The following MDGA2 variants were observed in gnomAD, a reference collection of about 807,000 sequenced individuals.
MDGA2 encodes MAM domain-containing glycosylphosphatidylinositol anchor protein 2.
MDGA2 carries 40 observed loss-of-function variants against 117.8 expected under a neutral mutation model. That is an observed-to-expected ratio of 0.34 (90% CI 0.26 to 0.44). The LOEUF (loss-of-function observed/expected upper bound fraction) is 0.44, where lower values mean the gene tolerates loss of function less well. Ranked by LOEUF, MDGA2 falls within the 20% of genes least tolerant of loss-of-function variation. MDGA2 has a pLI of 1.00. For missense variants in MDGA2, 1,123 were observed against 1,250.6 expected, an observed-to-expected ratio of 0.90 and a Z score of 1.54; for synonymous variants, 452 against 439.0, an observed-to-expected ratio of 1.03 and a Z score of -0.37.
chr14:47,587,844 GA>G (rs1158774083), intron 1 of MDGA2, among the ~76,000 whole-genome samples: 1 of 151,804 alleles, frequency 6.6e-6, no homozygotes, highest in Non-Finnish European at 1.5e-5. Flanking sequence ...CATCCCAAAA[GA>G]AACTCCATAC....
chr14:46,915,529 AT>A (rs936769881), intron 10 of MDGA2, among the ~76,000 whole-genome samples: 21 of 152,184 alleles, frequency 1.4e-4, no homozygotes, highest in African/African-American at 4.3e-4. Context: ...AAATCAACAG[AT>A]TTTTTTAAAG....
chr14:47,117,427 G>C lies in MDGA2; in HGVS notation c.925+14287C>G, dbSNP rs557373245. ...ATTTTTCCAAAAGAAATGAAATCAG[G>C]ATCTCAAAGATATATTAGGATTCCT... On this transcript the variant is annotated intron_variant, in intron 5 of 16. Transcript: ENST00000399232. Among the ~76,000 whole-genome samples the C allele has an allele frequency of 9.9e-5, 15 of 152,204 alleles. No individual in the cohort carries two copies. In the South Asian group the frequency reaches 2.1e-3, roughly 21 times the overall value.
At chr14:47,203,806 G>C (rs911407166) in intron 3 of MDGA2, among the ~76,000 whole-genome samples, 2 of 151,924 alleles carry the variant, frequency 1.3e-5, no homozygotes, top group Admixed American at 1.3e-4. Context: ...AATCACAAGA[G>C]ATTAGGATAT....
At chr14:47,669,797 C>T (rs1898041904) in intron 1 of MDGA2, among the ~76,000 whole-genome samples, 2 of 152,086 alleles carry the variant, frequency 1.3e-5, no homozygotes, top group Admixed American at 6.5e-5. Context: ...CAGACTAACA[C>T]CCTAAATATG....
intron 12 of MDGA2, among the ~76,000 whole-genome samples, chr14:46,876,615 AT>A (rs895337860): frequency 6.6e-6 from 1 of 151,520 alleles, no homozygotes; most frequent in African/African-American, 2.4e-5. Context: ...CATATCTTAA[AT>A]ATTCTCCATT....
intron 1 of MDGA2, among the ~76,000 whole-genome samples, chr14:47,542,729 A>T (rs1895377818): frequency 6.6e-6 from 1 of 152,218 alleles, no homozygotes; most frequent in Non-Finnish European, 1.5e-5. Context: ...GTTAAATCAG[A>T]TTTTAAAAAA....
At chr14:47,566,237 G>A (rs554405417) in intron 1 of MDGA2, among the ~76,000 whole-genome samples, 4 of 152,282 alleles carry the variant, frequency 2.6e-5, no homozygotes, top group African/African-American at 9.6e-5. Flanking sequence ...CTGATGGTAA[G>A]GTATGGTCTG....
At chr14:47,175,906 G>T (rs1369657697) in intron 3 of MDGA2, among the ~76,000 whole-genome samples, 1 of 151,956 alleles carries the variant, frequency 6.6e-6, no homozygotes, top group Non-Finnish European at 1.5e-5. Context: ...AAACCCCATC[G>T]CCTCAGCCCA....
chr14:47,526,440 A>G (rs960369633), intron 1 of MDGA2, among the ~76,000 whole-genome samples: 5 of 152,086 alleles, frequency 3.3e-5, no homozygotes, highest in Non-Finnish European at 5.9e-5. Context: ...GTTTGCTCTT[A>G]TTCTTGGATC....
chr14:47,605,603 A>G (rs1252906303), intron 1 of MDGA2, among the ~76,000 whole-genome samples: 2 of 152,188 alleles, frequency 1.3e-5, no homozygotes, highest in African/African-American at 4.8e-5. Context: ...GCAATGCCCA[A>G]TGTTCCCATA....
intron 1 of MDGA2, among the ~76,000 whole-genome samples, chr14:47,413,455 A>G (rs1259717795): frequency 6.6e-6 from 1 of 152,138 alleles, no homozygotes; most frequent in Non-Finnish European, 1.5e-5. Context: ...GGGGAAGAAA[A>G]AAGTAACTAA....
chr14:47,187,185 G>A (rs1218666688), intron 3 of MDGA2, among the ~76,000 whole-genome samples: 3 of 151,702 alleles, frequency 2.0e-5, no homozygotes, highest in East Asian at 1.9e-4. Flanking sequence ...AAAAAAAAAC[G>A]AGAAATAATA....
intron 1 of MDGA2, among the ~76,000 whole-genome samples, chr14:47,598,863 T>C (rs1262318263): frequency 6.6e-6 from 1 of 152,182 alleles, no homozygotes; most frequent in Non-Finnish European, 1.5e-5. Flanking sequence ...CAACTGTCTC[T>C]ACACTCTTCC....
intron 1 of MDGA2, among the ~76,000 whole-genome samples, chr14:47,433,212 C>T (rs1892833912): frequency 6.6e-6 from 1 of 151,976 alleles, no homozygotes; most frequent in Non-Finnish European, 1.5e-5. Context: ...TTATTAAAAG[C>T]ATTTTAATAC....
At chr14:47,207,146 CTG>C (rs1379998168) in intron 3 of MDGA2, among the ~76,000 whole-genome samples, 1 of 151,902 alleles carries the variant, frequency 6.6e-6, no homozygotes. Flanking sequence ...GACCTCTACT[CTG>C]TAGGAGTTTA....
intron 6 of MDGA2, among the ~76,000 whole-genome samples, chr14:47,090,177 T>G (rs1879556399): frequency 6.6e-6 from 1 of 152,162 alleles, no homozygotes; most frequent in Admixed American, 6.5e-5. Context: ...AGTCCTTTCA[T>G]GTTGATAAAC....
intron 16 of MDGA2, among the ~76,000 whole-genome samples, chr14:46,844,742 C>G (rs1254672243): frequency 2.6e-5 from 4 of 152,048 alleles, no homozygotes; most frequent in Non-Finnish European, 4.4e-5. Context: ...GAGACCAAAT[C>G]TCATCTTGAA....
chr14:47,255,619 T>C (rs766043470), intron 2 of MDGA2, among the ~76,000 whole-genome samples: 6 of 152,148 alleles, frequency 3.9e-5, no homozygotes, highest in Non-Finnish European at 7.4e-5. Flanking sequence ...CCAATTTCCA[T>C]AGGATGAAGT....
At chr14:47,557,824 T>C (rs930015431) in intron 1 of MDGA2, among the ~76,000 whole-genome samples, 1 of 152,224 alleles carries the variant, frequency 6.6e-6, no homozygotes. Context: ...GAGTCATCTT[T>C]AACAAACATT....
Sources: gnomAD v4.1 joint callset for allele counts (sites outside exome capture counted in the v4.1 genomes callset) on GRCh38, gnomAD v4.1.1 for gene constraint, MANE v1.5 for transcripts, NCBI Gene and HGNC (gene_info 2026-07-23, HGNC 2026-07-21) for gene names.